Variants in ATP11A observed in about 807,000 individuals in gnomAD.
ATP11A encodes the protein ATPase phospholipid transporting 11A, also known as phospholipid-transporting ATPase IH.
A neutral mutation model predicts 154.4 loss-of-function variants in ATP11A; 81 were observed. The observed-to-expected ratio is 0.52, with a 90% CI of 0.44 to 0.63. The LOEUF is 0.63. Among genes scored for constraint, ATP11A ranks in the 30% least tolerant of loss-of-function variants. ATP11A has a pLI of 0.00. For missense variants in ATP11A, 1,316 were observed against 1,474.3 expected (o/e 0.89, Z 1.76); for synonymous variants, 623 against 585.9 (o/e 1.06, Z -0.91).
At chr13:112,865,049 ACG>A (rs2080276509) in intron 25 of ATP11A, among the ~76,000 whole-genome samples, 1 of 76,000 alleles carries the variant, frequency 1.3e-5, no homozygotes, top group Non-Finnish European at 2.8e-5. Context: ...TCAGCGTAGC[ACG>A]TGCAGCTTCC....
At chr13:112,717,319 C>T (rs1007798595) in intron 1 of ATP11A, 2 of 152,036 alleles carry the variant, frequency 1.3e-5, no homozygotes, top group Non-Finnish European at 2.9e-5. Flanking sequence ...ACTCTTATTT[C>T]AGAACATGCC....
rs1292459866 is a variant in ATP11A at position 112,885,341 on chromosome 13, TGCACACACAC to T, written c.*3476_*3485del. 6.6e-6 allele frequency: 1 copy of T among 151,962 alleles called. No individual in the cohort carries two copies. Among genetic ancestry groups the T allele is most frequent in the East Asian group, 1.9e-4 (1 of 5,188 alleles). 9.4% of individuals were successfully genotyped at this position (151,962 alleles called of 1,614,324 possible). A position where few individuals can be genotyped will look rare whatever the true frequency, so the allele number is the denominator to read the frequency against. On this transcript the variant is annotated 3_prime_UTR_variant, in exon 30 of 30. Coordinates refer to ENST00000375645, the MANE Select transcript of ATP11A (RefSeq NM_015205.3). ...GACGTATGAGCTTCTACTGCACACA[TGCACACACAC>T]ACGCACACGTACATTCACTACAAAC...
At chr13:112,792,152 A>G (rs1020596990) in intron 2 of ATP11A, among the ~76,000 whole-genome samples, 3 of 152,218 alleles carry the variant, frequency 2.0e-5, no homozygotes, top group Non-Finnish European at 2.9e-5. Context: ...ACATCCGGCA[A>G]TACCTCTTTT....
intron 1 of ATP11A, among the ~76,000 whole-genome samples, chr13:112,720,607 G>T (rs1889044588): frequency 6.6e-6 from 1 of 152,108 alleles, no homozygotes. Context: ...CGCCAGGCTG[G>T]AGTACAGTGG....
rs888219620 is a variant in ATP11A, at chr13:112,819,511, G to T, written c.674+104G>T. 4.0e-5 allele frequency: 38 copies of T among 944,886 alleles called. No homozygotes were observed. In the African/African-American group the frequency reaches 6.2e-4, roughly 16 times the overall value. 58.5% of individuals were successfully genotyped at this position (944,886 alleles called of 1,614,324 possible). On this transcript the variant is annotated intron_variant, in intron 7 of 29. Transcript: ENST00000375645. The stretch of plus-strand genomic sequence containing the variant: ...CCAGCCATGTGGTGGTTTGGAAAGA[G>T]AATGTAAATCACTGCTTAAAGATTA...
At chr13:112,823,766 T>C (rs529082997) in intron 9 of ATP11A, among the ~76,000 whole-genome samples, 2 of 152,222 alleles carry the variant, frequency 1.3e-5, no homozygotes, top group South Asian at 4.1e-4. Context: ...TTAATTGAGG[T>C]AACCTTTAGA....
chr13:112,756,985 A>G (rs1319576902), intron 1 of ATP11A, among the ~76,000 whole-genome samples: 2 of 151,668 alleles, frequency 1.3e-5, no homozygotes. Context: ...CGTTTACAAA[A>G]TGATCATATT....
chr13:112,816,386 C>G (rs1443968179), intron 6 of ATP11A, among the ~76,000 whole-genome samples, 175 bp downstream of exon 6: 1 of 152,172 alleles, frequency 6.6e-6, no homozygotes, highest in East Asian at 1.9e-4. Context: ...TTTCCACTTT[C>G]TTCTTTTTCC....
chr13:112,828,870 G>A (rs1277687704), intron 12 of ATP11A, among the ~76,000 whole-genome samples: 2 of 152,178 alleles, frequency 1.3e-5, no homozygotes, highest in East Asian at 1.9e-4. Flanking sequence ...GCCCACTGTC[G>A]CTGTGCAGTA....
intron 1 of ATP11A, among the ~76,000 whole-genome samples, chr13:112,720,253 T>C (rs1372694552): frequency 6.6e-6 from 1 of 152,336 alleles, no homozygotes; most frequent in African/African-American, 2.4e-5. Flanking sequence ...ATGGAAGGTA[T>C]ACATTGGTTT....
Position 112,735,953 on chromosome 13 carries a change from G to A in ATP11A, c.39+45498G>A, listed in dbSNP as rs113217272. Among the ~76,000 whole-genome samples the A allele has an allele frequency of 6.1e-3, 933 of 152,220 alleles. 9 individuals carry two copies. The highest frequency in any genetic ancestry group is 0.022 in the African/African-American group (899 of 41,530). ...ATGCTCTGCTGCCGGGCCACCTCCC[G>A]CACCTCCGTCTGCACATGCCCAGAG... On this transcript the variant is annotated intron_variant, in intron 1 of 29. Transcript: ENST00000375645.
chr13:112,700,207 C>A (rs1006501424), intron 1 of ATP11A, among the ~76,000 whole-genome samples: 33 of 152,164 alleles, frequency 2.2e-4, no homozygotes, highest in African/African-American at 7.7e-4. Context: ...GGAAATTACA[C>A]GTTCAACAAA....
At chr13:112,814,428 C>T (rs551659188) in intron 5 of ATP11A, among the ~76,000 whole-genome samples, 1 of 152,064 alleles carries the variant, frequency 6.6e-6, no homozygotes, top group African/African-American at 2.4e-5. Flanking sequence ...TTTGCCTGGT[C>T]CTAGACCCAA....
intron 5 of ATP11A, among the ~76,000 whole-genome samples, chr13:112,813,791 A>G (rs1390214111): frequency 1.3e-5 from 2 of 151,936 alleles, no homozygotes; most frequent in Admixed American, 1.3e-4. Context: ...TGCAGCTTAA[A>G]TATGTCCCTG....
At chr13:112,755,996 C>A (rs1007526555) in intron 1 of ATP11A, among the ~76,000 whole-genome samples, 3 of 150,682 alleles carry the variant, frequency 2.0e-5, no homozygotes, top group Non-Finnish European at 4.4e-5. Context: ...CATTTCCGGT[C>A]ACGGAAACGG....
rs532444746 is a variant in ATP11A at position 112,800,906 on chromosome 13, A to G, written c.163-4051A>G. Among the ~76,000 whole-genome samples the G allele has an allele frequency of 2.6e-5, 4 of 152,350 alleles. No individual in the cohort carries two copies. The East Asian group carries it at 7.7e-4, about 29-fold the overall frequency. ...TAAAAAAGAAAACTTACATGATTATATCAATAGGTGCAGAAAAAGAATTTG... is the reference window on the plus strand; with the variant it reads ...TAAAAAAGAAAACTTACATGATTATGTCAATAGGTGCAGAAAAAGAATTTG... On this transcript the variant is annotated intron_variant, in intron 2 of 29. Coordinates refer to ENST00000375645, the MANE Select transcript of ATP11A (RefSeq NM_015205.3).
chr13:112,778,407 G>C (rs1251464124), intron 1 of ATP11A, among the ~76,000 whole-genome samples: 1 of 152,254 alleles, frequency 6.6e-6, no homozygotes, highest in South Asian at 2.1e-4. Flanking sequence ...TTCAGAGTTG[G>C]ACGTAAAACA....
At chr13:112,828,494 G>A (rs1287037597) in intron 12 of ATP11A, among the ~76,000 whole-genome samples, 1 of 147,142 alleles carries the variant, frequency 6.8e-6, no homozygotes, top group Non-Finnish European at 1.5e-5. Context: ...ATGGAGGAAA[G>A]TGCCCAGCGG....
At chr13:112,828,140 AGGGGGGAAAGCGCCCAGCAGCGTTGAGT>A (rs2078985624) in intron 12 of ATP11A, among the ~76,000 whole-genome samples, 5 of 20,376 alleles carry the variant, frequency 2.5e-4, no homozygotes, top group Non-Finnish European at 4.4e-4. Context: ...AGCGTTGAGT[AGGGGGGAAAGCGCCCAGCAGCGTTGAGT>A]GGGGGGAAAG....
Sources: allele counts gnomAD v4.1 joint callset (sites outside exome capture counted in the v4.1 genomes callset), GRCh38; gene constraint gnomAD v4.1.1; transcripts MANE v1.5; gene names NCBI Gene and HGNC (gene_info 2026-07-23, HGNC 2026-07-21).